ACTA2: variants seen among roughly 807,000 people sequenced by gnomAD.
ACTA2 encodes actin alpha 2, smooth muscle.
A neutral mutation model predicts 39.5 loss-of-function variants in ACTA2; 12 were observed. That is an observed-to-expected ratio of 0.30 (90% CI 0.19 to 0.49). The LOEUF is 0.49. Among genes scored for constraint, ACTA2 ranks in the 20% least tolerant of loss-of-function variants. The pLI is 0.99. For missense variants in ACTA2, 236 were observed against 498.8 expected (o/e 0.47, Z 5.02); for synonymous variants, 158 against 180.6 (o/e 0.88, Z 1.00).
intron 8 of ACTA2, among the ~76,000 whole-genome samples, chr10:88,936,535 GGTTATTTCAAAGTGTGTGGCACCCTCCCC>G (rs571155034): frequency 6.6e-6 from 1 of 152,146 alleles, no homozygotes; most frequent in Admixed American, 6.5e-5. Flanking sequence ...CATGAAATCT[GGTTATTTCAAAGTGTGTGGCACCCTCCCC>G]CCACCCCTGC....
intron 2 of ACTA2, among the ~76,000 whole-genome samples, chr10:88,947,681 T>A (rs527469480): frequency 6.6e-6 from 1 of 152,316 alleles, no homozygotes; most frequent in African/African-American, 2.4e-5. Context: ...ATCATGTCTG[T>A]CTTGTCCATC....
At chr10:88,968,420 T>C (rs1846360977) in intron 1 of ACTA2, among the ~76,000 whole-genome samples, 1 of 152,044 alleles carries the variant, frequency 6.6e-6, no homozygotes, top group Non-Finnish European at 1.5e-5. Flanking sequence ...TAAAACCATG[T>C]TTGTTTTCCT....
intron 1 of ACTA2, among the ~76,000 whole-genome samples, chr10:88,971,583 T>A (rs753947068): frequency 3.3e-5 from 5 of 152,342 alleles, no homozygotes; most frequent in Non-Finnish European, 5.9e-5. Flanking sequence ...ATGATTTGGA[T>A]TTGCCTTTTT....
chr10:88,981,687 G>A (rs558786536), intron 1 of ACTA2, among the ~76,000 whole-genome samples: 4 of 152,308 alleles, frequency 2.6e-5, no homozygotes, highest in Admixed American at 1.3e-4. Flanking sequence ...TAGGGAGGGA[G>A]AGAGAGGCTG....
At chr10:88,973,377 G>T (rs1846492907) in intron 1 of ACTA2, 2 of 1,440,364 alleles carry the variant, frequency 1.4e-6, no homozygotes, top group South Asian at 1.6e-5. Flanking sequence ...GCGAACAATT[G>T]TGAAAATCTT....
intron 1 of ACTA2, chr10:88,973,106 T>C: frequency 1.4e-6 from 2 of 1,455,948 alleles, no homozygotes; most frequent in Non-Finnish European, 1.8e-6. Context: ...TTCTATGTTT[T>C]ATTTTTCTAT....
At chr10:88,945,993 G>A (rs529452865) in intron 3 of ACTA2, among the ~76,000 whole-genome samples, 2 of 152,154 alleles carry the variant, frequency 1.3e-5, no homozygotes, top group Non-Finnish European at 2.9e-5. Context: ...CAGAGTTGAC[G>A]TGAGCAACAG....
chr10:88,939,510 T>C lies in ACTA2; in HGVS notation c.805A>G (p.Ile269Val). The C allele has an allele frequency of 6.2e-7, 1 of 1,613,110 alleles. No individual in the cohort carries two copies. Among genetic ancestry groups the C allele is most frequent in the South Asian group, 1.1e-5 (1 of 91,022 alleles). Residue 269 changes from isoleucine (I) to valine (V), a missense_variant, in exon 7 of 9, where the codon ATC (isoleucine) becomes GTC (valine). Ile to Val is a conservative substitution (Grantham distance 29). Transcript: ENST00000224784. ...GAAAAGGGCGTTTGTTGCCTACCGATGAAGGATGGCTGGAACAGGGTCTCT... is the reference window on the plus strand; with the variant it reads ...GAAAAGGGCGTTTGTTGCCTACCGACGAAGGATGGCTGGAACAGGGTCTCT... Reference protein sequence around the residue: ...CPETLFQPSFIGMESAGIHET... With the variant: ...CPETLFQPSFVGMESAGIHET...
At chr10:88,940,751 T>C (rs1589393506) in intron 6 of ACTA2, 1 of 225,706 alleles carries the variant, frequency 4.4e-6, no homozygotes, top group East Asian at 9.5e-5. Flanking sequence ...GTATTCCACA[T>C]GCGTTCTTCC....
chr10:88,943,788 C>T lies in ACTA2; in HGVS notation c.369+9G>A, dbSNP rs1300174370. On this transcript the variant is annotated intron_variant, in intron 4 of 8. Transcript: ENST00000224784. Reference sequence around the variant, plus strand: ...CCCACAGTGTTGTGTGCTGGGGTAGCATACTTACTTGAGTCATTTTCTCCC... The same window carrying T: ...CCCACAGTGTTGTGTGCTGGGGTAGTATACTTACTTGAGTCATTTTCTCCC... 1.2e-6 allele frequency: 2 copies of T among 1,606,678 alleles called. No individual in the cohort carries two copies. The highest frequency in any genetic ancestry group is 2.2e-5 in the South Asian group (2 of 90,924).
At chr10:88,967,788 C>A (rs1287704638) in intron 1 of ACTA2, among the ~76,000 whole-genome samples, 1 of 152,162 alleles carries the variant, frequency 6.6e-6, no homozygotes, top group Non-Finnish European at 1.5e-5. Flanking sequence ...AATGATGGCT[C>A]ACACACCAGA....
chr10:88,954,572 C>A (rs1308253697), upstream of ACTA2, among the ~76,000 whole-genome samples: 1 of 152,074 alleles, frequency 6.6e-6, no homozygotes, highest in African/African-American at 2.4e-5. Flanking sequence ...TCCTTGCGAT[C>A]TTTATGAAGT....
At position 88,976,137 on chromosome 10, in the gene ACTA2, A is replaced by T. The variant is rs533491848; in HGVS notation, c.-24+14802T>A. 5.3e-5 allele frequency among the ~76,000 whole-genome samples: 8 copies of T among 152,276 alleles called. No homozygotes were observed. In the South Asian group the frequency reaches 1.7e-3, roughly 32 times the overall value. ...CAATCTTTTAGCTTCCCTGGGCCAC[A>T]TTGGAAGACTAAGAATTGTCTTGGG... On this transcript the variant is annotated intron_variant, in intron 1 of 4. Coordinates refer to the ACTA2 transcript ENST00000415557.
Sources: gnomAD v4.1 joint callset for allele counts (sites outside exome capture counted in the v4.1 genomes callset) on GRCh38, gnomAD v4.1.1 for gene constraint, MANE v1.5 for transcripts, NCBI Gene and HGNC (gene_info 2026-07-23, HGNC 2026-07-21) for gene names.